ANO4: variants seen among roughly 807,000 people sequenced by gnomAD.
ANO4 encodes anoctamin 4.
Under a neutral mutation model 141.9 loss-of-function variants are expected in ANO4, and 69 were observed. The observed-to-expected ratio is 0.49, with a 90% CI of 0.40 to 0.59. The LOEUF is 0.59. ANO4 is among the 20% of genes least tolerant of loss of function. The pLI, the probability that ANO4 is intolerant of heterozygous loss-of-function variation, is 0.00. For missense variants in ANO4, 894 were observed against 1,162.2 expected (o/e 0.77, Z 3.36); for synonymous variants, 350 against 394.3 (o/e 0.89, Z 1.33).
At chr12:100,937,844 A>T (rs1027972038) in intron 3 of ANO4, among the ~76,000 whole-genome samples, 1 of 152,172 alleles carries the variant, frequency 6.6e-6, no homozygotes, top group Non-Finnish European at 1.5e-5. Context: ...AGCCAGCAGC[A>T]TAGCATCTTC....
In ANO4 at chr12:101,037,569, C is replaced by T. The variant is rs184896226; in HGVS notation, c.897+419C>T. ...ATCTTGAAAAGTCTCTGGTAACCAA[C>T]GGGTGACAAATAAAAATTAATAATG... is the stretch of plus-strand genomic sequence containing the variant. On this transcript the variant is annotated intron_variant, in intron 10 of 27. Transcript: ENST00000392977. Among the ~76,000 whole-genome samples the T allele has an allele frequency of 5.3e-5, 8 of 152,252 alleles. No individual in the cohort carries two copies. In the East Asian group the frequency reaches 9.7e-4, roughly 18 times the overall value.
At chr12:100,886,285 A>G (rs531451701) in intron 1 of ANO4, among the ~76,000 whole-genome samples, 2 of 144,504 alleles carry the variant, frequency 1.4e-5, no homozygotes, top group Admixed American at 1.4e-4. Context: ...CTGTCTTAGC[A>G]TGGAGACTAC....
chr12:100,927,829 T>C (rs2041934154), intron 3 of ANO4, among the ~76,000 whole-genome samples: 1 of 152,044 alleles, frequency 6.6e-6, no homozygotes, highest in Admixed American at 6.6e-5. Flanking sequence ...TTGAATGGCA[T>C]CCATACCCTG....
intron 3 of ANO4, among the ~76,000 whole-genome samples, chr12:100,754,010 G>A (rs1471935757): frequency 2.0e-5 from 3 of 152,122 alleles, no homozygotes; most frequent in Non-Finnish European, 4.4e-5. Flanking sequence ...TCATCCCTCA[G>A]TTCTTTTGCT....
chr12:100,883,499 A>T (rs1288785965), intron 1 of ANO4, among the ~76,000 whole-genome samples: 1 of 152,262 alleles, frequency 6.6e-6, no homozygotes, highest in African/African-American at 2.4e-5. Flanking sequence ...TAAGAGAGAG[A>T]TAGCCTACTG....
intron 3 of ANO4, among the ~76,000 whole-genome samples, chr12:100,759,792 C>G (rs773852742): frequency 8.5e-5 from 13 of 152,238 alleles, no homozygotes; most frequent in Non-Finnish European, 1.9e-4. Flanking sequence ...AACCTGTTCT[C>G]TGGGCCTCCC....
intron 3 of ANO4, among the ~76,000 whole-genome samples, chr12:100,786,086 C>T (rs1395643430): frequency 6.6e-6 from 1 of 152,122 alleles, no homozygotes; most frequent in Non-Finnish European, 1.5e-5. Flanking sequence ...ATAGCAATGG[C>T]ACACTAGCTA....
At chr12:100,739,868 G>C (rs1474009328) in exon 3 of ANO4, 1 of 702,430 alleles carries the variant, frequency 1.4e-6, no homozygotes, top group East Asian at 2.7e-5. Context: ...TGACGTTGCG[G>C]GGCCTGTGGC....
Position 100,890,230 on chromosome 12 carries a change from A to G in ANO4, c.-140-11416A>G, listed in dbSNP as rs1437478542. Among the ~76,000 whole-genome samples, 7 of 152,204 alleles carry G rather than the reference A, an allele frequency of 4.6e-5. No homozygotes were observed. In the East Asian group the frequency reaches 5.8e-4, roughly 13 times the overall value. On this transcript the variant is annotated intron_variant, in intron 1 of 27. Coordinates refer to ENST00000392977, the MANE Select transcript of ANO4 (RefSeq NM_001286615.2). ...AAATTGAAGCTCACGTAGTAACTCA[A>G]TCATAACTCATCAGAAGTTCCACAG...
At chr12:101,028,861 C>T (rs2046850661) in intron 9 of ANO4, among the ~76,000 whole-genome samples, 1 of 152,056 alleles carries the variant, frequency 6.6e-6, no homozygotes, top group Non-Finnish European at 1.5e-5. Context: ...AGAAGATCAA[C>T]CCCAAGAAAC....
intron 8 of ANO4, among the ~76,000 whole-genome samples, chr12:101,016,049 G>A (rs1478697787): frequency 6.6e-6 from 1 of 152,202 alleles, no homozygotes; most frequent in Non-Finnish European, 1.5e-5. Flanking sequence ...CAGTAGTTCA[G>A]CTGATAGCTA....
chr12:101,048,950 C>G (rs78816789), intron 14 of ANO4, among the ~76,000 whole-genome samples: 2,266 of 152,298 alleles, frequency 0.015, 63 homozygotes, highest in African/African-American at 0.052. Flanking sequence ...CCTTTACACA[C>G]TAGGCTGTGT....
intron 14 of ANO4, among the ~76,000 whole-genome samples, chr12:101,061,179 C>A (rs951476453): frequency 6.6e-6 from 1 of 151,920 alleles, no homozygotes; most frequent in Non-Finnish European, 1.5e-5. Flanking sequence ...GTTGAAAATT[C>A]TTTTTTTTAA....
chr12:101,070,672 C>T (rs571294111), intron 14 of ANO4, among the ~76,000 whole-genome samples: 10 of 152,080 alleles, frequency 6.6e-5, no homozygotes, highest in Admixed American at 2.6e-4. Flanking sequence ...AATGGGATCA[C>T]GTCAAGTTAA....
chr12:100,969,953 A>G (rs2043845461), intron 5 of ANO4, among the ~76,000 whole-genome samples: 1 of 152,106 alleles, frequency 6.6e-6, no homozygotes, highest in South Asian at 2.1e-4. Flanking sequence ...GAAATCTCCT[A>G]ATTGGTTTTT....
At chr12:100,791,625 T>TG (rs1253270489), upstream of ANO4, among the ~76,000 whole-genome samples, 1 of 152,212 alleles carries the variant, frequency 6.6e-6, no homozygotes, top group African/African-American at 2.4e-5. Context: ...TGTAACATGG[T>TG]GGGAAGGGTC....
intron 1 of ANO4, among the ~76,000 whole-genome samples, chr12:100,798,286 A>G (rs577819388): frequency 1.1e-4 from 17 of 152,310 alleles, no homozygotes; most frequent in Non-Finnish European, 2.2e-4. Flanking sequence ...TATTTAGCCA[A>G]TATAATCCCT....
At chr12:100,777,813 A>G (rs1208502888) in intron 3 of ANO4, among the ~76,000 whole-genome samples, 1 of 152,152 alleles carries the variant, frequency 6.6e-6, no homozygotes. Context: ...TGCTGTCTTA[A>G]TATTCACTTT....
intron 2 of ANO4, among the ~76,000 whole-genome samples, chr12:100,909,216 G>T (rs1303356537): frequency 1.3e-5 from 2 of 152,148 alleles, no homozygotes; most frequent in Non-Finnish European, 2.9e-5. Flanking sequence ...TGACTATCTG[G>T]AATGATTGAA....
Sources: allele counts gnomAD v4.1 joint callset (sites outside exome capture counted in the v4.1 genomes callset), GRCh38; gene constraint gnomAD v4.1.1; transcripts MANE v1.5; gene names NCBI Gene and HGNC (gene_info 2026-07-23, HGNC 2026-07-21).